CCDC57: variants seen among roughly 807,000 people sequenced by gnomAD.
CCDC57 encodes coiled-coil domain containing 57, also known as coiled-coil domain-containing protein 57.
In CCDC57, 118 loss-of-function variants were observed where a neutral mutation model predicts 118.9. That is an observed-to-expected ratio of 0.99 (90% confidence interval 0.86 to 1.16). The LOEUF (loss-of-function observed/expected upper bound fraction) is 1.16, where lower values mean the gene tolerates loss of function less well. Ranked by LOEUF, CCDC57 falls within the 50% of genes most tolerant of loss-of-function variation. CCDC57 has a pLI of 0.00. For synonymous variants in CCDC57, 527 were observed against 532.9 expected, an observed-to-expected ratio of 0.99 and a Z score of 0.15; for missense variants, 1,300 against 1,320.7, an observed-to-expected ratio of 0.98 and a Z score of 0.24.
chr17:82,195,571 G>T (rs149483592), intron 4 of CCDC57, among the ~76,000 whole-genome samples: 27 of 151,308 alleles, frequency 1.8e-4, no homozygotes, highest in Middle Eastern at 3.4e-3. Context: ...TTGAGCCCAG[G>T]AATTCAAGAC....
intron 13 of CCDC57, 92 bp downstream of exon 12, chr17:82,171,609 T>G (rs12945993): frequency 4.5e-4 from 628 of 1,381,828 alleles, no homozygotes; most frequent in Non-Finnish European, 5.8e-4. Context: ...GCAGTAGCCT[T>G]GAGCTGTATA....
In CCDC57 at chr17:82,134,208, G is replaced by T; in HGVS notation, c.2456-14C>A. 1 of 1,312,972 alleles carries T rather than the reference G, an allele frequency of 7.6e-7. No individual in the cohort carries two copies. The highest frequency in any genetic ancestry group is 9.8e-7 in the Non-Finnish European group (1 of 1,024,586). The allele number at this position is 1,312,972 out of a possible 1,614,324, so 81.3% of individuals were successfully genotyped here. ...GCAACAGCCACCCTGGGAATGGGAT[G>T]GGGACAGAGTTTGTTCTCTGTGCAT... On this transcript the variant is annotated splice_polypyrimidine_tract_variant and intron_variant, in intron 16 of 19. Coordinates refer to ENST00000665763, the Ensembl canonical transcript of CCDC57.
chr17:82,111,710 G>C (rs2035264699), intron 19 of CCDC57, among the ~76,000 whole-genome samples: 1 of 151,720 alleles, frequency 6.6e-6, no homozygotes, highest in Admixed American at 6.6e-5. Context: ...AGGTTCAAGT[G>C]ATTCTCGTGC....
chr17:82,157,487 C>T, intron 15 of CCDC57: 1 of 1,409,104 alleles, frequency 7.1e-7, no homozygotes, highest in Non-Finnish European at 9.2e-7. Flanking sequence ...GAAGGGAGGA[C>T]TGGGATGGGC....
chr17:82,161,351 C>T lies in CCDC57; in HGVS notation c.2040+1849G>A, dbSNP rs575419182. On this transcript the variant is annotated intron_variant, in intron 14 of 19. Coordinates refer to ENST00000665763, the Ensembl canonical transcript of CCDC57. ...TGGGGAAAACAGCACGGTGGCTCCT[C>T]AAAGGGTTCAACACAGGGTGACCGT... 2.0e-5 allele frequency among the ~76,000 whole-genome samples: 3 copies of T among 152,188 alleles called. No homozygotes were observed. In the East Asian group the frequency reaches 5.8e-4, roughly 29 times the overall value.
chr17:82,187,126 A>G (rs899074051), intron 8 of CCDC57, among the ~76,000 whole-genome samples: 8 of 151,116 alleles, frequency 5.3e-5, no homozygotes, highest in African/African-American at 1.9e-4. Context: ...AATGCCAGCT[A>G]CTTGGGAGGC....
intron 17 of CCDC57, among the ~76,000 whole-genome samples, chr17:82,132,509 C>T (rs925477379): frequency 5.9e-5 from 9 of 152,068 alleles, no homozygotes; most frequent in African/African-American, 2.2e-4. Flanking sequence ...ATAAATCACC[C>T]ACAGAAGAAG....
At chr17:82,174,053 G>A (rs1345400299) in intron 11 of CCDC57, among the ~76,000 whole-genome samples, 3 of 152,242 alleles carry the variant, frequency 2.0e-5, no homozygotes, top group Admixed American at 6.5e-5. Context: ...AAGTCCCAGG[G>A]TCTGGCCCAA....
chr17:82,207,339 A>G (rs1035641211), intron 2 of CCDC57, among the ~76,000 whole-genome samples: 1 of 143,504 alleles, frequency 7.0e-6, no homozygotes, highest in African/African-American at 2.6e-5. Context: ...TCTCAAAAAT[A>G]AAAAAAAAAA....
At chr17:82,123,982 CAAAAA>C (rs200031813) in intron 19 of CCDC57, among the ~76,000 whole-genome samples, 6 of 64,294 alleles carry the variant, frequency 9.3e-5, no homozygotes, top group Non-Finnish European at 1.7e-4. Context: ...CATCCAAAAG[CAAAAA>C]AAAAAAAAAA....
chr17:82,144,186 T>C (rs2040403677), intron 16 of CCDC57, among the ~76,000 whole-genome samples: 1 of 152,198 alleles, frequency 6.6e-6, no homozygotes, highest in Non-Finnish European at 1.5e-5. Context: ...GGCATGCATC[T>C]GTAGTCCCAG....
intron 19 of CCDC57, chr17:82,126,720 C>T (rs11658272): frequency 0.58 from 568,898 of 985,176 alleles, 166,285 homozygotes; most frequent in Non-Finnish European, 0.59. Flanking sequence ...GCCTTGACTA[C>T]GCAAGCCCCT....
At chr17:82,103,281 C>T (rs1438844958) in intron 19 of CCDC57, among the ~76,000 whole-genome samples, 1 of 145,630 alleles carries the variant, frequency 6.9e-6, no homozygotes, top group African/African-American at 2.5e-5. Context: ...TCTTCCTTTT[C>T]CTGCAGCCCC....
chr17:82,112,702 C>T (rs1598628117), intron 19 of CCDC57: 1 of 152,544 alleles, frequency 6.6e-6, no homozygotes, highest in Admixed American at 6.5e-5. Flanking sequence ...GCTTCCCTCC[C>T]TGTGCCGGCA....
intron 13 of CCDC57, among the ~76,000 whole-genome samples, chr17:82,165,078 A>C (rs972409781): frequency 2.6e-5 from 4 of 152,190 alleles, no homozygotes; most frequent in African/African-American, 9.7e-5. Flanking sequence ...TCCCAGCTAC[A>C]CAGGAGGCCA....
chr17:82,141,018 T>C lies in CCDC57; in HGVS notation c.2456-6824A>G, dbSNP rs553060121. 8.4e-4 allele frequency among the ~76,000 whole-genome samples: 127 copies of C among 151,904 alleles called. 1 individual carries two copies. The highest frequency in any genetic ancestry group is 2.9e-3 in the African/African-American group (122 of 41,500). On this transcript the variant is annotated intron_variant, in intron 16 of 19. Transcript: ENST00000665763. ...TTATTTATTATTATTTATTTATTTA[T>C]TCTTTTTTTTGAGATGGAGTCTCGA...
In CCDC57 at chr17:82,122,891, T is replaced by C. The variant is rs186860210; in HGVS notation, c.2899+4801A>G. ...CTTCATAAATACGGCCTCTTTTCAC[T>C]GCTGATTTTCAGAGCAAAGTTTCTT... is the stretch of plus-strand genomic sequence containing the variant. On this transcript the variant is annotated intron_variant, in intron 19 of 19. Coordinates refer to ENST00000665763, the Ensembl canonical transcript of CCDC57. 3.1e-3 allele frequency among the ~76,000 whole-genome samples: 478 copies of C among 152,306 alleles called. 1 individual carries two copies. The highest frequency in any genetic ancestry group is 0.011 in the African/African-American group (459 of 41,560).
At chr17:82,171,484 A>G (rs1599125378) in intron 13 of CCDC57, among the ~76,000 whole-genome samples, 1 of 150,632 alleles carries the variant, frequency 6.6e-6, no homozygotes, top group Middle Eastern at 3.5e-3. Context: ...AGGGAGCACA[A>G]GGAATTCCAT....
intron 11 of CCDC57, among the ~76,000 whole-genome samples, chr17:82,173,522 T>C (rs2045047954): frequency 6.6e-6 from 1 of 151,790 alleles, no homozygotes; most frequent in South Asian, 2.1e-4. Context: ...AGGAGACGCG[T>C]CTACAACAAG....
Sources: allele counts gnomAD v4.1 joint callset (sites outside exome capture counted in the v4.1 genomes callset), GRCh38; gene constraint gnomAD v4.1.1; transcripts MANE v1.5; gene names NCBI Gene and HGNC (gene_info 2026-07-23, HGNC 2026-07-21).